CRNKL1: variants seen among roughly 807,000 people sequenced by gnomAD.
CRNKL1 encodes the protein crooked neck pre-mRNA splicing factor 1, also known as crooked neck-like protein 1.
In CRNKL1, 35 loss-of-function variants were observed where a neutral mutation model predicts 103.7. The ratio of observed to expected loss-of-function variants is 0.34; its 90% CI spans 0.26 to 0.45. The LOEUF (loss-of-function observed/expected upper bound fraction) is 0.45, where lower values mean the gene tolerates loss of function less well. Ranked by LOEUF, CRNKL1 falls within the 20% of genes least tolerant of loss-of-function variation. CRNKL1 has a pLI of 1.00. For synonymous variants in CRNKL1, 267 were observed against 282.6 expected, an observed-to-expected ratio of 0.94 and a Z score of 0.55; for missense variants, 645 against 836.0, an observed-to-expected ratio of 0.77 and a Z score of 2.82.
chr20:20,037,791 G>C (rs1240070540), intron 12 of CRNKL1, among the ~76,000 whole-genome samples: 2 of 152,104 alleles, frequency 1.3e-5, no homozygotes, highest in Admixed American at 6.5e-5. Flanking sequence ...TTAAACTCTT[G>C]AAAAGAGTTT....
Position 20,047,754 on chromosome 20 carries a change from C to G in CRNKL1, c.622+11G>C, listed in dbSNP as rs1216149389. ...AATCATGGCACCATACAGATCTCGTCCAAAGGATATATCGCTCATAAATGG... is the reference window on the plus strand; with the variant it reads ...AATCATGGCACCATACAGATCTCGTGCAAAGGATATATCGCTCATAAATGG... On this transcript the variant is annotated intron_variant, in intron 5 of 13. Transcript: ENST00000536226. 4.3e-6 allele frequency: 7 copies of G among 1,612,184 alleles called. No homozygotes were observed. Among genetic ancestry groups the G allele is most frequent in the Non-Finnish European group, 5.1e-6 (6 of 1,178,554 alleles).
At chr20:20,053,710 A>G (rs1462006854), upstream of CRNKL1, among the ~76,000 whole-genome samples, 3 of 152,246 alleles carry the variant, frequency 2.0e-5, no homozygotes, top group Non-Finnish European at 2.9e-5. Context: ...CTCTTTATTA[A>G]CCATATTATT....
chr20:20,054,399 A>G (rs1301646393), upstream of CRNKL1, among the ~76,000 whole-genome samples: 1 of 138,844 alleles, frequency 7.2e-6, no homozygotes, highest in Non-Finnish European at 1.5e-5. Flanking sequence ...AGCTAGGGAT[A>G]TATATATATA....
In CRNKL1 at chr20:20,049,339, C is replaced by G; in HGVS notation, c.296+1G>C. The G allele has an allele frequency of 2.7e-6, 4 of 1,505,866 alleles. No homozygotes were observed. Among genetic ancestry groups the G allele is most frequent in the Non-Finnish European group, 3.7e-6 (4 of 1,089,076 alleles). 93.3% of individuals were successfully genotyped at this position (1,505,866 alleles called of 1,614,324 possible). ...CAAAACTACACTCTCAGTAATTTTACCTTTGAATCTCCTTTAGGCTTTCTT... is the reference window on the plus strand; with the variant it reads ...CAAAACTACACTCTCAGTAATTTTAGCTTTGAATCTCCTTTAGGCTTTCTT... On this transcript the variant is annotated splice_donor_variant, in intron 3 of 13. Transcript: ENST00000536226. LOFTEE classifies it high-confidence loss of function.
rs2043480633 is a variant in CRNKL1, at chr20:20,039,661, G to C, written c.1493C>G (p.Ala498Gly). Reference protein sequence around the residue: ...LETILGDIDRARAIYELAISQ... With the variant: ...LETILGDIDRGRAIYELAISQ... ...GATGGCTAATTCATAGATTGCCCGT[G>C]CTCTGTCAATATCACCAAGGATTGT... is the stretch of plus-strand genomic sequence containing the variant. Residue 498 changes from alanine (A) to glycine (G), a missense_variant, in exon 11 of 14, where the codon GCA (alanine) becomes GGA (glycine). Ala to Gly is a moderately conservative substitution (Grantham distance 60, BLOSUM62 0). This residue lies in a region of CRNKL1 where 582 missense variants were observed against 707.7 expected (regional missense o/e 0.82). Transcript: ENST00000536226. 2 of 1,614,042 alleles carry C rather than the reference G, an allele frequency of 1.2e-6. No individual in the cohort carries two copies. Among genetic ancestry groups the C allele is most frequent in the African/African-American group, 1.3e-5 (1 of 74,916 alleles).
rs769446966 is a variant in CRNKL1 at position 20,052,440 on chromosome 20, C to A, written c.-98G>T. The stretch of plus-strand genomic sequence containing the variant: ...AACCACAAAGCTTTCAGAAAACAAA[C>A]AGGATCTCGGAACCGGAAGCGGAAC... On this transcript the variant is annotated 5_prime_UTR_variant, in exon 1 of 14. Transcript: ENST00000536226. The A allele has an allele frequency of 6.2e-7, 1 of 1,614,240 alleles. No homozygotes were observed. The highest frequency in any genetic ancestry group is 1.1e-5 in the South Asian group (1 of 91,092).
chr20:20,038,863 G>A (rs115308225), intron 11 of CRNKL1, among the ~76,000 whole-genome samples: 1,749 of 152,286 alleles, frequency 0.011, 24 homozygotes, highest in African/African-American at 0.04. Flanking sequence ...AGAGTTCAGT[G>A]CAACAAGCAT....
intron 1 of CRNKL1, 45 bp from the exon 2 acceptor site, chr20:20,050,667 C>G: frequency 6.5e-7 from 1 of 1,542,808 alleles, no homozygotes; most frequent in Non-Finnish European, 8.8e-7. Context: ...TTGCTCTTCA[C>G]ACAAGGCTTA....
intron 12 of CRNKL1, among the ~76,000 whole-genome samples, chr20:20,038,078 T>C (rs894333549): frequency 3.4e-5 from 5 of 149,096 alleles, no homozygotes; most frequent in Non-Finnish European, 7.4e-5. Context: ...ACAGCAAGAC[T>C]CCGTCTCAAA....
upstream of CRNKL1, chr20:20,052,661 G>A (rs762438664): frequency 1.2e-6 from 2 of 1,613,442 alleles, no homozygotes; most frequent in Non-Finnish European, 1.7e-6. Flanking sequence ...CGCATCCCCA[G>A]GTCAGCCTCC....
At chr20:20,047,092 T>C (rs962148911) in intron 5 of CRNKL1, among the ~76,000 whole-genome samples, 1 of 152,168 alleles carries the variant, frequency 6.6e-6, no homozygotes, top group Admixed American at 6.5e-5. Context: ...GCCACACAGC[T>C]AGTAAACAGT....
rs980235067 is a variant in CRNKL1, at chr20:20,035,073, T to C, written c.*1122A>G. The C allele has an allele frequency of 6.6e-6, 1 of 152,208 alleles. No homozygotes were observed. Among genetic ancestry groups the C allele is most frequent in the African/African-American group, 2.4e-5 (1 of 41,462 alleles). The allele number at this position is 152,208 out of a possible 1,614,324, so 9.4% of individuals were successfully genotyped here. On this transcript the variant is annotated 3_prime_UTR_variant, in exon 14 of 14. Coordinates refer to ENST00000536226, the MANE Select transcript of CRNKL1 (RefSeq NM_001278628.2). ...AGCAACGTATCAGCAAATACATTCA[T>C]TCTTGTGCTACTCTTCATTATTTAG... is the stretch of plus-strand genomic sequence containing the variant.
At position 20,048,324 on chromosome 20, in the gene CRNKL1, T is replaced by C. The variant is rs751621871; in HGVS notation, c.455+19A>G. 2 of 1,613,328 alleles carry C rather than the reference T, an allele frequency of 1.2e-6. No homozygotes were observed. Among genetic ancestry groups the C allele is most frequent in the Non-Finnish European group, 1.7e-6 (2 of 1,179,280 alleles). On this transcript the variant is annotated intron_variant, in intron 4 of 13. Coordinates refer to ENST00000536226, the MANE Select transcript of CRNKL1 (RefSeq NM_001278628.2). Reference sequence around the variant, plus strand: ...TTTGCTAGTCTATAAAAGGCTGTTTTGTTAGATCAGAAACTTACCAGAACT... The same window carrying C: ...TTTGCTAGTCTATAAAAGGCTGTTTCGTTAGATCAGAAACTTACCAGAACT...
In CRNKL1 at chr20:20,043,591, A is replaced by G. The variant is rs146327097; in HGVS notation, c.873T>C (p.Phe291=). 1.0e-4 allele frequency: 168 copies of G among 1,614,094 alleles called. 1 individual carries two copies. In the East Asian group the frequency reaches 3.5e-3, roughly 34 times the overall value. The stretch of plus-strand genomic sequence containing the variant: ...TCTTCTCAAAGATGGTATAATTTTT[A>G]AAGAGTTCTTGGGCATCTTGTTTTG... ...RISKQDAQEL[F]KNYTIFEKKF... is the part of the protein sequence containing the mutation. The change falls in exon 7 of 14, where the codon TTT becomes TTC. Residue 291 remains phenylalanine, a synonymous_variant. Transcript: ENST00000536226.
chr20:20,053,291 GAC>G (rs2043917155), upstream of CRNKL1, among the ~76,000 whole-genome samples: 3 of 152,192 alleles, frequency 2.0e-5, no homozygotes, highest in Non-Finnish European at 4.4e-5. Flanking sequence ...TTAAGTGGAA[GAC>G]ACAGAGATTT....
intron 7 of CRNKL1, among the ~76,000 whole-genome samples, chr20:20,042,746 CCTT>C (rs1311114894): frequency 6.6e-6 from 1 of 152,314 alleles, no homozygotes; most frequent in East Asian, 1.9e-4. Flanking sequence ...AGCAAGGACT[CCTT>C]CATCTATAGC....
intron 6 of CRNKL1, 64 bp downstream of exon 6, chr20:20,045,244 A>C: frequency 7.3e-7 from 1 of 1,362,342 alleles, no homozygotes; most frequent in Non-Finnish European, 1.0e-6. Context: ...AAATGAACTC[A>C]CCATGCACAA....
upstream of CRNKL1, among the ~76,000 whole-genome samples, chr20:20,053,997 T>TGC (rs2044017892): frequency 1.4e-5 from 2 of 146,096 alleles, no homozygotes; most frequent in Non-Finnish European, 3.0e-5. Context: ...CATCTCTGTG[T>TGC]GTGTTTTTTT....
Position 20,043,566 on chromosome 20 carries a change from T to G in CRNKL1, c.898A>C (p.Lys300Gln), listed in dbSNP as rs2043548841. ...TCAATACCCCGCCTATCACCAAACT[T>G]CTTCTCAAAGATGGTATAATTTTTA... ...LFKNYTIFEK[K>Q]FGDRRGIEDI... The change falls in exon 7 of 14, where the codon AAG becomes CAG. Residue 300 changes from lysine to glutamine, a missense_variant. By Grantham distance (53) the Lys-to-Gln change is moderately conservative (BLOSUM62 1). Around this residue, in one of 2 missense-constraint regions of CRNKL1, gnomAD observed 582 missense variants for 707.7 expected, o/e 0.82. Coordinates refer to ENST00000536226, the MANE Select transcript of CRNKL1 (RefSeq NM_001278628.2). The G allele has an allele frequency of 6.2e-7, 1 of 1,613,978 alleles. No individual in the cohort carries two copies. Among genetic ancestry groups the G allele is most frequent in the Non-Finnish European group, 8.5e-7 (1 of 1,179,998 alleles).
Sources: allele counts gnomAD v4.1 joint callset (sites outside exome capture counted in the v4.1 genomes callset), GRCh38; gene constraint gnomAD v4.1.1; regional missense constraint gnomAD v4.1.1; transcripts MANE v1.5; gene names NCBI Gene and HGNC (gene_info 2026-07-23, HGNC 2026-07-21).